RHBDL3: variants seen among roughly 807,000 people sequenced by gnomAD.
RHBDL3 encodes rhomboid-related protein 3.
Under a neutral mutation model 48.2 loss-of-function variants are expected in RHBDL3, and 28 were observed. The observed-to-expected ratio is 0.58, with a 90% CI of 0.43 to 0.80. RHBDL3 has a LOEUF of 0.80. Among genes scored for constraint, RHBDL3 ranks in the 30% least tolerant of loss-of-function variants. RHBDL3 has a pLI of 0.00. For synonymous variants in RHBDL3, 208 were observed against 232.3 expected (o/e 0.90, Z 0.95); for missense variants, 464 against 542.7 (o/e 0.85, Z 1.44).
At chr17:32,271,332 G>A (rs1025223295) in intron 2 of RHBDL3, among the ~76,000 whole-genome samples, 1 of 152,056 alleles carries the variant, frequency 6.6e-6, no homozygotes, top group Non-Finnish European at 1.5e-5. Flanking sequence ...TTTGTGTGTG[G>A]TTGGGTTGAT....
intron 7 of RHBDL3, among the ~76,000 whole-genome samples, chr17:32,310,880 T>C (rs1259851086): frequency 3.8e-5 from 1 of 26,334 alleles, no homozygotes; most frequent in Non-Finnish European, 9.5e-5. Flanking sequence ...TCAGGCTCCA[T>C]CTCAAAAAAA....
At chr17:32,267,654 T>TTGGGG in intron 1 of RHBDL3, 1 of 632,234 alleles carries the variant, frequency 1.6e-6, no homozygotes. Flanking sequence ...ACACCCACCT[T>TTGGGG]GCCGCCCCCG....
Position 32,324,176 on chromosome 17 carries a change from G to GGGAA in RHBDL3, c.*2950_*2953dup, listed in dbSNP as rs1453677699. 7 of 152,632 alleles carry GGGAA rather than the reference G, an allele frequency of 4.6e-5. No individual in the cohort carries two copies. The highest frequency in any genetic ancestry group is 6.5e-5 in the Admixed American group (1 of 15,272). The allele number at this position is 152,632 out of a possible 1,614,324, so 9.5% of individuals were successfully genotyped here. A position where few individuals can be genotyped will look rare whatever the true frequency, so the allele number is the denominator to read the frequency against. On this transcript the variant is annotated 3_prime_UTR_variant, in exon 9 of 9. Coordinates refer to ENST00000269051, the MANE Select transcript of RHBDL3 (RefSeq NM_138328.3). ...AACGGGAGAGGAATCACAGAAACTG[G>GGGAA]GGAAGGGAAAACAAACCTTCAAAGG...
chr17:32,305,513 C>T, intron 7 of RHBDL3, 72 bp downstream of exon 7: 1 of 1,129,354 alleles, frequency 8.9e-7, no homozygotes, highest in Non-Finnish European at 1.4e-6. Context: ...AGTATTAATC[C>T]ACTGGGGCTG....
rs528887738 is a variant in RHBDL3, at chr17:32,278,753, G to A, written c.136-5906G>A. On this transcript the variant is annotated intron_variant, in intron 2 of 8. Coordinates refer to ENST00000269051, the MANE Select transcript of RHBDL3 (RefSeq NM_138328.3). ...CTCACAATAGTGTGTACCTCTTAGG[G>A]TTGCTGTGAGATTTAAATAGGGGGG... Among the ~76,000 whole-genome samples the A allele has an allele frequency of 2.6e-5, 4 of 152,168 alleles. No individual in the cohort carries two copies. In the South Asian group the frequency reaches 6.2e-4, roughly 24 times the overall value.
At chr17:32,284,570 G>A in intron 2 of RHBDL3, 89 bp from the exon 3 acceptor site, 1 of 1,314,752 alleles carries the variant, frequency 7.6e-7, no homozygotes, top group Non-Finnish European at 1.1e-6. Context: ...ACTAAAGCCA[G>A]TGAATAGTGG....
intron 7 of RHBDL3, among the ~76,000 whole-genome samples, 180 bp from the exon 8 acceptor site, chr17:32,316,052 G>T (rs1344859188): frequency 6.6e-6 from 1 of 152,120 alleles, no homozygotes; most frequent in Non-Finnish European, 1.5e-5. Flanking sequence ...CTTATGACGG[G>T]AGTAAACTTG....
At position 32,308,103 on chromosome 17, in the gene RHBDL3, G is replaced by A. The variant is rs146132932; in HGVS notation, c.882+2662G>A. Among the ~76,000 whole-genome samples, 7 of 152,302 alleles carry A rather than the reference G, an allele frequency of 4.6e-5. No individual in the cohort carries two copies. In the East Asian group the frequency reaches 1.2e-3, roughly 25 times the overall value. ...GACCATGGAGTAGGGCACGTTTGTC[G>A]AGAGAGGTGTGAGAGCAGTTTTGTT... is the stretch of plus-strand genomic sequence containing the variant. On this transcript the variant is annotated intron_variant, in intron 7 of 8. Coordinates refer to ENST00000269051, the MANE Select transcript of RHBDL3 (RefSeq NM_138328.3).
intron 2 of RHBDL3, 125 bp from the exon 3 acceptor site, chr17:32,284,534 C>CTG: frequency 1.2e-6 from 1 of 858,090 alleles, no homozygotes; most frequent in Non-Finnish European, 1.8e-6. Context: ...ATCTCCCAGA[C>CTG]ACTGAGCCTC....
chr17:32,293,747 G>A (rs1008912537), intron 4 of RHBDL3, among the ~76,000 whole-genome samples: 7 of 152,112 alleles, frequency 4.6e-5, no homozygotes, highest in African/African-American at 7.2e-5. Flanking sequence ...TGCTTAGCAC[G>A]GAGGAAGTGT....
rs115024847 is a variant in RHBDL3 at position 32,268,684 on chromosome 17, A to G, written c.135+759A>G. 9.3e-3 allele frequency among the ~76,000 whole-genome samples: 1,413 copies of G among 152,292 alleles called. 17 individuals carry two copies. The highest frequency in any genetic ancestry group is 0.033 in the African/African-American group (1,352 of 41,548). On this transcript the variant is annotated intron_variant, in intron 2 of 8. Transcript: ENST00000269051. Reference sequence around the variant, plus strand: ...ATGATTGTGCCATGAAGTTTGTGCAACTTTAAGAAATTGGTGTGAGTGGGC... The same window carrying G: ...ATGATTGTGCCATGAAGTTTGTGCAGCTTTAAGAAATTGGTGTGAGTGGGC...
chr17:32,320,576 G>A (rs375480466), intron 8 of RHBDL3, among the ~76,000 whole-genome samples: 2 of 152,092 alleles, frequency 1.3e-5, no homozygotes, highest in Non-Finnish European at 2.9e-5. Flanking sequence ...CACCCGCCTC[G>A]GCCTCCCAAA....
intron 2 of RHBDL3, 151 bp from the exon 3 acceptor site, chr17:32,284,508 A>C (rs925931223): frequency 7.5e-6 from 5 of 663,184 alleles, no homozygotes; most frequent in African/African-American, 3.7e-5. Context: ...GATGTTTCCC[A>C]GGGGGGTCCT....
At chr17:32,296,352 T>TTTTTTTG (rs940121432) in intron 5 of RHBDL3, among the ~76,000 whole-genome samples, 2 of 143,956 alleles carry the variant, frequency 1.4e-5, no homozygotes, top group African/African-American at 5.3e-5. Flanking sequence ...TTTTTTTTTT[T>TTTTTTTG]TGAGATGGAG....
chr17:32,268,577 G>A (rs1242693581), intron 2 of RHBDL3, among the ~76,000 whole-genome samples: 5 of 152,150 alleles, frequency 3.3e-5, no homozygotes, highest in Non-Finnish European at 7.3e-5. Flanking sequence ...CTTAGCATTC[G>A]TGGTGGGTGC....
intron 3 of RHBDL3, among the ~76,000 whole-genome samples, chr17:32,287,475 T>C (rs1293507939): frequency 4.6e-5 from 7 of 152,154 alleles, no homozygotes; most frequent in Admixed American, 4.6e-4. Context: ...AAAAGGTTCA[T>C]CTGGGATGGC....
intron 1 of RHBDL3, 124 bp from the exon 2 acceptor site, chr17:32,267,778 G>T: frequency 6.5e-7 from 1 of 1,546,806 alleles, no homozygotes; most frequent in East Asian, 2.3e-5. Flanking sequence ...GCCTGGTCAT[G>T]ACTCCTGGGC....
chr17:32,281,406 C>A (rs763547556), intron 2 of RHBDL3, among the ~76,000 whole-genome samples: 4 of 151,982 alleles, frequency 2.6e-5, no homozygotes, highest in Non-Finnish European at 4.4e-5. Flanking sequence ...GCTCCCAGGG[C>A]ACGCAAAGTC....
At chr17:32,285,154 G>T (rs1163687618) in intron 3 of RHBDL3, among the ~76,000 whole-genome samples, 1 of 151,942 alleles carries the variant, frequency 6.6e-6, no homozygotes, top group Non-Finnish European at 1.5e-5. Context: ...GGGAGGGATG[G>T]AGGGAAGGGG....
Sources: allele counts gnomAD v4.1 joint callset (sites outside exome capture counted in the v4.1 genomes callset), GRCh38; gene constraint gnomAD v4.1.1; transcripts MANE v1.5; gene names NCBI Gene and HGNC (gene_info 2026-07-23, HGNC 2026-07-21).